CRYL1: variants seen among roughly 807,000 people sequenced by gnomAD.
CRYL1 encodes lambda-crystallin homolog.
A neutral mutation model predicts 36.6 loss-of-function variants in CRYL1; 29 were observed. That is an observed-to-expected ratio of 0.79 (90% CI 0.59 to 1.08). The LOEUF (loss-of-function observed/expected upper bound fraction) is 1.08. CRYL1 is among the 50% of genes least tolerant of loss of function. The pLI is 0.00. For synonymous variants in CRYL1, 152 were observed against 151.5 expected (o/e 1.00, Z -0.02); for missense variants, 411 against 407.9 (o/e 1.01, Z -0.06).
rs1288406501 is a variant in CRYL1 at position 20,434,632 on chromosome 13, C to T, written c.439-2336G>A. Among the ~76,000 whole-genome samples the T allele has an allele frequency of 3.4e-5, 5 of 148,976 alleles. No homozygotes were observed. In the South Asian group the frequency reaches 8.9e-4, roughly 27 times the overall value. Reference sequence around the variant, plus strand: ...CCCCCCACCCACACCCCTACACCCCCACCTGCAGCGTTAACCCACTCCGCT... The same window carrying T: ...CCCCCCACCCACACCCCTACACCCCTACCTGCAGCGTTAACCCACTCCGCT... On this transcript the variant is annotated intron_variant, in intron 4 of 7. Coordinates refer to ENST00000298248, the MANE Select transcript of CRYL1 (RefSeq NM_015974.3).
chr13:20,459,041 C>T (rs985873301), intron 3 of CRYL1, among the ~76,000 whole-genome samples: 3 of 152,086 alleles, frequency 2.0e-5, no homozygotes, highest in Non-Finnish European at 2.9e-5. Flanking sequence ...CAAGACCATC[C>T]TGGCTAACAC....
In CRYL1 at chr13:20,476,250, G is replaced by A. The variant is rs574298065; in HGVS notation, c.276+13120C>T. Among the ~76,000 whole-genome samples, 14 of 152,010 alleles carry A rather than the reference G, an allele frequency of 9.2e-5. No individual in the cohort carries two copies. The South Asian group carries it at 2.9e-3, about 32-fold the overall frequency. On this transcript the variant is annotated intron_variant, in intron 3 of 7. Coordinates refer to ENST00000298248, the MANE Select transcript of CRYL1 (RefSeq NM_015974.3). ...ATGTGCCTATAATCCCAGCTACCAG[G>A]AGGCTGAGGCAAGAGAATCACTGGA... is the stretch of plus-strand genomic sequence containing the variant.
At chr13:20,514,918 A>T (rs34943348) in intron 1 of CRYL1, among the ~76,000 whole-genome samples, 11,131 of 152,224 alleles carry the variant, frequency 0.073, 703 homozygotes, top group East Asian at 0.34. Flanking sequence ...TCCACAAAAA[A>T]ACTTGTACAC....
intron 2 of CRYL1, among the ~76,000 whole-genome samples, chr13:20,496,807 T>C (rs9552211): frequency 0.56 from 78,310 of 141,022 alleles, 21,662 homozygotes; most frequent in Admixed American, 0.6. Context: ...ATCATGCCAC[T>C]GCACTCCAGC....
intron 5 of CRYL1, chr13:20,426,818 C>T: frequency 1.0e-6 from 1 of 985,484 alleles, no homozygotes; most frequent in South Asian, 4.7e-5. Flanking sequence ...AATCTCAGGG[C>T]CCCATCCAGA....
intron 3 of CRYL1, among the ~76,000 whole-genome samples, chr13:20,463,830 C>T (rs1243229556): frequency 1.3e-5 from 2 of 152,072 alleles, no homozygotes; most frequent in African/African-American, 2.4e-5. Context: ...TGACATTATT[C>T]GAAGATGTAG....
At chr13:20,463,053 G>A (rs1260790523) in intron 3 of CRYL1, among the ~76,000 whole-genome samples, 2 of 152,146 alleles carry the variant, frequency 1.3e-5, no homozygotes, top group Non-Finnish European at 2.9e-5. Context: ...AGAAGAAACG[G>A]CAGCAGAACC....
At chr13:20,451,112 C>T (rs1044782059) in intron 3 of CRYL1, among the ~76,000 whole-genome samples, 6 of 151,652 alleles carry the variant, frequency 4.0e-5, no homozygotes, top group Non-Finnish European at 5.9e-5. Flanking sequence ...CTAATGTAAA[C>T]GACGAGTTAA....
Position 20,459,092 on chromosome 13 carries a change from T to C in CRYL1, c.277-19338A>G, listed in dbSNP as rs534217970. On this transcript the variant is annotated intron_variant, in intron 3 of 7. Transcript: ENST00000298248. The stretch of plus-strand genomic sequence containing the variant: ...CTACTAAAAAATACAAAAAATTAGC[T>C]GGGCGTGGTGGCGGGTGCCTGTAGT... Among the ~76,000 whole-genome samples, 129 of 151,864 alleles carry C rather than the reference T, an allele frequency of 8.5e-4. 2 individuals carry two copies. In the South Asian group the frequency reaches 8.9e-3, roughly 11 times the overall value.
intron 3 of CRYL1, among the ~76,000 whole-genome samples, chr13:20,445,058 A>C (rs1185205368): frequency 2.0e-5 from 3 of 152,182 alleles, no homozygotes; most frequent in Admixed American, 2.0e-4. Context: ...CACGAAACAT[A>C]AAATTGGAGA....
Position 20,425,486 on chromosome 13 carries a change from C to T in CRYL1, c.633+6616G>A, listed in dbSNP as rs565081462. Among the ~76,000 whole-genome samples, 96 of 152,308 alleles carry T rather than the reference C, an allele frequency of 6.3e-4. No individual in the cohort carries two copies. In the South Asian group the frequency reaches 0.012, roughly 20 times the overall value. ...CGGACTGCCAGAAAAGGACAGGCCA[C>T]GCAGGCAGCTTGCTGAGATGGCTTC... On this transcript the variant is annotated intron_variant, in intron 5 of 7. Transcript: ENST00000298248. This position sits in a 1 kb window ranked among gnomAD's most constrained non-coding sequence, Gnocchi z 4.4.
At chr13:20,460,562 G>T (rs1442527222) in intron 3 of CRYL1, among the ~76,000 whole-genome samples, 1 of 119,170 alleles carries the variant, frequency 8.4e-6, no homozygotes, top group Non-Finnish European at 1.6e-5. Flanking sequence ...GTCTCGCTCT[G>T]TCGCCCAGGC....
chr13:20,432,273 C>A lies in CRYL1; in HGVS notation c.462G>T (p.Pro154=). Residue 154 remains proline, a synonymous_variant, in exon 5 of 8, where the codon CCG becomes CCT. Transcript: ENST00000298248. ...CCGGGTGGGGGACCAGCTCAACCAG[C>A]GGGATGTAGTATGGCGGATTCACCT... ...AHPVNPPYYI[P]LVELVPHPET... 6.2e-7 allele frequency: 1 copy of A among 1,612,390 alleles called. No individual in the cohort carries two copies. Among genetic ancestry groups the A allele is most frequent in the South Asian group, 1.1e-5 (1 of 90,962 alleles).
rs1204654133 is a variant in CRYL1, at chr13:20,501,194, G to A, written c.149+11249C>T. ...TTCAGTCATTGGCTTTCACTGCTGT[G>A]AGCAGCAGCACCTAGACCAAACTCT... On this transcript the variant is annotated intron_variant, in intron 2 of 7. Coordinates refer to ENST00000298248, the MANE Select transcript of CRYL1 (RefSeq NM_015974.3). 5.3e-5 allele frequency among the ~76,000 whole-genome samples: 8 copies of A among 152,124 alleles called. No homozygotes were observed. In the East Asian group the frequency reaches 1.3e-3, roughly 26 times the overall value.
chr13:20,514,712 C>T (rs917102879), intron 1 of CRYL1, among the ~76,000 whole-genome samples: 1 of 152,038 alleles, frequency 6.6e-6, no homozygotes, highest in African/African-American at 2.4e-5. Flanking sequence ...TTAATTGTTA[C>T]AAATGCACCA....
At chr13:20,496,969 G>C (rs1260465432) in intron 2 of CRYL1, among the ~76,000 whole-genome samples, 2 of 152,052 alleles carry the variant, frequency 1.3e-5, no homozygotes, top group Non-Finnish European at 2.9e-5. Context: ...ATGATTGAAT[G>C]AGGTGGAGAA....
intron 3 of CRYL1, among the ~76,000 whole-genome samples, chr13:20,444,459 G>A (rs1187237026): frequency 6.6e-6 from 1 of 152,184 alleles, no homozygotes; most frequent in Admixed American, 6.5e-5. Flanking sequence ...GCTTTAAAGA[G>A]CAGTCCTTTC....
chr13:20,503,856 C>A (rs142461315), intron 2 of CRYL1, among the ~76,000 whole-genome samples: 1 of 152,310 alleles, frequency 6.6e-6, no homozygotes, highest in East Asian at 1.9e-4. Flanking sequence ...ACTGGAAATG[C>A]CTGCGTCCAA....
intron 3 of CRYL1, among the ~76,000 whole-genome samples, chr13:20,445,785 T>A (rs2032440341): frequency 6.6e-6 from 1 of 152,150 alleles, no homozygotes; most frequent in East Asian, 1.9e-4. Flanking sequence ...ATGACAAAAA[T>A]CAAATGGAAA....
Sources: allele counts gnomAD v4.1 joint callset (sites outside exome capture counted in the v4.1 genomes callset), GRCh38; gene constraint gnomAD v4.1.1; non-coding constraint Gnocchi (gnomAD v3.1); transcripts MANE v1.5; gene names NCBI Gene and HGNC (gene_info 2026-07-23, HGNC 2026-07-21).